CYS1: variants seen among roughly 807,000 people sequenced by gnomAD.
The protein encoded by CYS1 is cystin 1.
Under a neutral mutation model 9.6 loss-of-function variants are expected in CYS1, and 5 were observed. The observed-to-expected ratio is 0.52, with a 90% CI of 0.27 to 1.10. The LOEUF (loss-of-function observed/expected upper bound fraction) is 1.10, where lower values mean the gene tolerates loss of function less well. Among genes scored for constraint, CYS1 ranks in the 50% least tolerant of loss-of-function variants. The pLI is 0.11. For missense variants in CYS1, 221 were observed against 207.9 expected (o/e 1.06, Z -0.39); for synonymous variants, 88 against 95.7 (o/e 0.92, Z 0.47).
At chr2:10,072,847 T>C (rs902284938) in intron 1 of CYS1, among the ~76,000 whole-genome samples, 2 of 151,074 alleles carry the variant, frequency 1.3e-5, no homozygotes, top group South Asian at 2.1e-4. Context: ...AGCTGAGCAG[T>C]GCAGGTGGAG....
chr2:10,062,571 T>G (rs1310462944), intron 2 of CYS1, among the ~76,000 whole-genome samples: 3 of 152,056 alleles, frequency 2.0e-5, no homozygotes, highest in African/African-American at 7.2e-5. Flanking sequence ...CGACTAATTT[T>G]TATGTATTTT....
chr2:10,065,037 C>T (rs563604553), intron 2 of CYS1, among the ~76,000 whole-genome samples: 65 of 152,182 alleles, frequency 4.3e-4, no homozygotes, highest in Admixed American at 9.8e-4. Flanking sequence ...CCACTGGGTC[C>T]GGCCCCTTCA....
intron 2 of CYS1, among the ~76,000 whole-genome samples, chr2:10,062,816 A>G (rs1007048097): frequency 6.6e-6 from 1 of 152,220 alleles, no homozygotes; most frequent in Non-Finnish European, 1.5e-5. Flanking sequence ...CCAATACCGT[A>G]ATGTGTCTGG....
At chr2:10,075,052 C>T (rs1661824574) in intron 1 of CYS1, among the ~76,000 whole-genome samples, 1 of 151,668 alleles carries the variant, frequency 6.6e-6, no homozygotes, top group Non-Finnish European at 1.5e-5. Flanking sequence ...GCGGAGGCTG[C>T]AGTGAGCCGA....
Position 10,072,838 on chromosome 2 carries a change from G to T in CYS1, c.319-6882C>A, listed in dbSNP as rs993695667. Among the ~76,000 whole-genome samples the T allele has an allele frequency of 7.2e-5, 11 of 152,204 alleles. 1 individual carries two copies. The highest frequency in any genetic ancestry group is 2.7e-4 in the African/African-American group (11 of 41,450). On this transcript the variant is annotated intron_variant, in intron 1 of 2. Transcript: ENST00000381813. ...CTGTAGGGCTTTGCAGGCAGCAGAAGCTGAGCAGTGCAGGTGGAGGAGCGG... is the reference window on the plus strand; with the variant it reads ...CTGTAGGGCTTTGCAGGCAGCAGAATCTGAGCAGTGCAGGTGGAGGAGCGG...
intron 2 of CYS1, among the ~76,000 whole-genome samples, chr2:10,059,291 G>T (rs1661594656): frequency 6.6e-6 from 1 of 152,266 alleles, no homozygotes; most frequent in South Asian, 2.1e-4. Context: ...GTGTGTCTCC[G>T]AGCCTCGGTG....
intron 2 of CYS1, among the ~76,000 whole-genome samples, chr2:10,060,499 G>A (rs141013015): frequency 6.6e-6 from 1 of 152,168 alleles, no homozygotes; most frequent in Non-Finnish European, 1.5e-5. Context: ...GGCGTCCAGG[G>A]GACACACTCC....
At chr2:10,071,053 C>A (rs1661761123) in intron 1 of CYS1, among the ~76,000 whole-genome samples, 1 of 152,142 alleles carries the variant, frequency 6.6e-6, no homozygotes, top group South Asian at 2.1e-4. Flanking sequence ...GCAACCTCTG[C>A]CTCCCAGGTT....
At chr2:10,078,422 C>G (rs572884570) in intron 1 of CYS1, among the ~76,000 whole-genome samples, 1 of 152,330 alleles carries the variant, frequency 6.6e-6, no homozygotes, top group East Asian at 1.9e-4. Context: ...AACCCAAACT[C>G]GCTAACATGG....
chr2:10,073,884 CT>C (rs1480636419), intron 1 of CYS1, among the ~76,000 whole-genome samples: 1 of 120,380 alleles, frequency 8.3e-6, no homozygotes, highest in African/African-American at 3.5e-5. Flanking sequence ...GGCTGTACCC[CT>C]GACCGTGATG....
Position 10,080,198 on chromosome 2 carries a change from C to T in CYS1, c.26G>A (p.Ser9Asn). 9.4e-7 allele frequency: 1 copy of T among 1,063,940 alleles called. No homozygotes were observed. The highest frequency in any genetic ancestry group is 1.1e-6 in the Non-Finnish European group (1 of 883,956). 65.9% of individuals were successfully genotyped at this position (1,063,940 alleles called of 1,614,324 possible). A position where few individuals can be genotyped will look rare whatever the true frequency, so the allele number is the denominator to read the frequency against. The change falls in exon 1 of 3, where the codon AGC becomes AAC. Residue 9 changes from serine (S) to asparagine (N), a missense_variant. Ser to Asn is a conservative substitution (Grantham distance 46, BLOSUM62 1). Coordinates refer to ENST00000381813, the MANE Select transcript of CYS1 (RefSeq NM_001037160.3). The surrounding 1 kb of genome is among the most constrained non-coding windows in gnomAD (Gnocchi z 6.4). The part of the protein sequence containing the change: MGSGSSRS[S>N]RTLRRRRSPE... Reference sequence around the variant, plus strand: ...GCTGCGCCGCCGCCTCAGAGTCCGGCTGCTCCGGCTGCTGCCGCTGCCCAT... The same window carrying T: ...GCTGCGCCGCCGCCTCAGAGTCCGGTTGCTCCGGCTGCTGCCGCTGCCCAT...
chr2:10,077,356 T>A (rs1328113775), intron 1 of CYS1, among the ~76,000 whole-genome samples: 4 of 152,224 alleles, frequency 2.6e-5, no homozygotes, highest in Non-Finnish European at 5.9e-5. Flanking sequence ...ACAGACCATC[T>A]CTAAGACATT....
Position 10,065,899 on chromosome 2 carries a change from C to T in CYS1, c.371+5G>A. ...CTGGGAGAGATGTGCCTCCCTGGTA[C>T]TTACTCAGAGACATTGCCGCTCCCC... On this transcript the variant is annotated splice_donor_5th_base_variant and intron_variant, in intron 2 of 2. Transcript: ENST00000381813. The T allele has an allele frequency of 1.2e-6, 2 of 1,614,156 alleles. No homozygotes were observed. The highest frequency in any genetic ancestry group is 2.2e-5 in the East Asian group (1 of 44,880).
intron 1 of CYS1, among the ~76,000 whole-genome samples, chr2:10,070,697 T>C (rs1232527213): frequency 1.3e-5 from 2 of 151,992 alleles, no homozygotes; most frequent in South Asian, 2.1e-4. Context: ...CAGGCTGGAG[T>C]GCGGTGGCCT....
intron 2 of CYS1, among the ~76,000 whole-genome samples, chr2:10,065,199 G>A (rs1050173998): frequency 2.0e-5 from 3 of 152,180 alleles, no homozygotes; most frequent in African/African-American, 7.2e-5. Flanking sequence ...CCCAGTGTCT[G>A]TTAAATAAGC....
chr2:10,074,293 G>A (rs142210758), intron 1 of CYS1, among the ~76,000 whole-genome samples: 13 of 152,340 alleles, frequency 8.5e-5, no homozygotes, highest in African/African-American at 2.9e-4. Flanking sequence ...CCTGTTAATA[G>A]CATTCTGAAT....
intron 2 of CYS1, among the ~76,000 whole-genome samples, chr2:10,065,685 T>C (rs752591322): frequency 1.4e-4 from 21 of 152,320 alleles, no homozygotes; most frequent in Non-Finnish European, 7.3e-5. Flanking sequence ...CGACCTTTTT[T>C]AGGAGGAAGA....
chr2:10,071,921 G>A (rs1214112926), intron 1 of CYS1, among the ~76,000 whole-genome samples: 2 of 152,178 alleles, frequency 1.3e-5, no homozygotes, highest in Non-Finnish European at 2.9e-5. Flanking sequence ...GTGTGCGTGC[G>A]AGGGGTGTGT....
intron 1 of CYS1, 69 bp from the exon 2 acceptor site, chr2:10,066,025 T>G (rs1661690462): frequency 1.5e-5 from 23 of 1,574,718 alleles, no homozygotes; most frequent in Non-Finnish European, 1.9e-5. Flanking sequence ...GGCTTTGGCT[T>G]TGTGTGGACA....
Sources: allele counts gnomAD v4.1 joint callset (sites outside exome capture counted in the v4.1 genomes callset), GRCh38; gene constraint gnomAD v4.1.1; non-coding constraint Gnocchi (gnomAD v3.1); transcripts MANE v1.5; gene names NCBI Gene and HGNC (gene_info 2026-07-23, HGNC 2026-07-21).